Variants in SIL1 observed in about 807,000 individuals in gnomAD.
The protein encoded by SIL1 is SIL1 nucleotide exchange factor.
A neutral mutation model predicts 49.1 loss-of-function variants in SIL1; 40 were observed. The ratio of observed to expected loss-of-function variants is 0.81; its 90% CI spans 0.63 to 1.06. SIL1 has a LOEUF of 1.06. Ranked by LOEUF, SIL1 falls within the 50% of genes least tolerant of loss-of-function variation. The pLI is 0.00. For missense variants in SIL1, 500 were observed against 572.6 expected (o/e 0.87, Z 1.29); for synonymous variants, 253 against 250.8 (o/e 1.01, Z -0.08).
chr5:139,176,887 G>C (rs1308820005), intron 1 of SIL1, among the ~76,000 whole-genome samples: 1 of 149,732 alleles, frequency 6.7e-6, no homozygotes, highest in Non-Finnish European at 1.5e-5. Context: ...AAAGTAAATA[G>C]TCCAAGGTCA....
At chr5:139,194,117 G>T (rs1488079006) in intron 1 of SIL1, among the ~76,000 whole-genome samples, 1 of 152,226 alleles carries the variant, frequency 6.6e-6, no homozygotes, top group Non-Finnish European at 1.5e-5. Flanking sequence ...CATAATCACA[G>T]CCATGTCTTA....
chr5:139,167,580 CTGT>C (rs1368182322), intron 1 of SIL1, among the ~76,000 whole-genome samples: 1 of 152,090 alleles, frequency 6.6e-6, no homozygotes, highest in Non-Finnish European at 1.5e-5. Flanking sequence ...TTTGTTTAAG[CTGT>C]TATTATGAGT....
chr5:139,162,474 A>G (rs1040257216), intron 1 of SIL1, among the ~76,000 whole-genome samples: 2 of 152,252 alleles, frequency 1.3e-5, no homozygotes, highest in Admixed American at 1.3e-4. Context: ...CCAGTAACAA[A>G]ATGCTAGGAA....
chr5:139,197,911 A>C (rs1286479524), intron 1 of SIL1, among the ~76,000 whole-genome samples: 1 of 152,218 alleles, frequency 6.6e-6, no homozygotes, highest in African/African-American at 2.4e-5. Context: ...GGTCTCGGAG[A>C]TCAACACCAA....
At chr5:139,052,177 G>C (rs1769303823) in intron 3 of SIL1, among the ~76,000 whole-genome samples, 1 of 152,080 alleles carries the variant, frequency 6.6e-6, no homozygotes, top group Non-Finnish European at 1.5e-5. Context: ...GTATTCACCA[G>C]TTCTCGCAAT....
At chr5:139,150,971 C>T (rs1751285366) in intron 1 of SIL1, among the ~76,000 whole-genome samples, 1 of 152,198 alleles carries the variant, frequency 6.6e-6, no homozygotes, top group Non-Finnish European at 1.5e-5. Flanking sequence ...GCCACCCTCC[C>T]TTGGCATAAG....
chr5:138,951,396 CAGGG>C, intron 8 of SIL1, 61 bp from the exon 9 acceptor site: 1 of 1,524,928 alleles, frequency 6.6e-7, no homozygotes, highest in South Asian at 1.2e-5. Flanking sequence ...CCCTGAGGCC[CAGGG>C]AAGGCAGGCA....
intron 3 of SIL1, among the ~76,000 whole-genome samples, chr5:139,055,750 C>T (rs939986654): frequency 6.7e-6 from 1 of 149,100 alleles, no homozygotes; most frequent in Non-Finnish European, 1.5e-5. Flanking sequence ...GCTGCCATCT[C>T]GGCTCACTGC....
At chr5:139,148,506 G>A (rs1751234800) in intron 1 of SIL1, among the ~76,000 whole-genome samples, 1 of 152,214 alleles carries the variant, frequency 6.6e-6, no homozygotes, top group Admixed American at 6.5e-5. Context: ...GTAAGGGGAT[G>A]ACATGCCAGC....
intron 7 of SIL1, among the ~76,000 whole-genome samples, chr5:138,956,890 T>C (rs1427878952): frequency 1.3e-5 from 2 of 152,160 alleles, no homozygotes; most frequent in East Asian, 3.9e-4. Flanking sequence ...ACAAAACACA[T>C]GAGCTGCACA....
At chr5:139,131,721 C>T (rs1750868455) in intron 1 of SIL1, 1 of 152,216 alleles carries the variant, frequency 6.6e-6, no homozygotes, top group Admixed American at 6.6e-5. Context: ...CAGCACCACA[C>T]CAGGCTCTGG....
intron 7 of SIL1, among the ~76,000 whole-genome samples, chr5:138,968,418 C>T (rs982911069): frequency 2.0e-5 from 3 of 152,148 alleles, no homozygotes; most frequent in Non-Finnish European, 4.4e-5. Context: ...CAACTCATCT[C>T]CATCGACAGA....
chr5:139,194,152 A>C (rs1438735998), intron 1 of SIL1, among the ~76,000 whole-genome samples: 1 of 152,238 alleles, frequency 6.6e-6, no homozygotes, highest in Non-Finnish European at 1.5e-5. Flanking sequence ...AACCTGAAGG[A>C]ACTACAAGTC....
At chr5:139,069,261 C>G (rs1769775191) in intron 3 of SIL1, among the ~76,000 whole-genome samples, 1 of 151,728 alleles carries the variant, frequency 6.6e-6, no homozygotes, top group African/African-American at 2.4e-5. Flanking sequence ...GCACTCCAGC[C>G]TGGGTAACAG....
At chr5:139,056,624 C>T (rs1769440342) in intron 3 of SIL1, among the ~76,000 whole-genome samples, 1 of 147,622 alleles carries the variant, frequency 6.8e-6, no homozygotes, top group South Asian at 2.1e-4. Flanking sequence ...CCCGGCCAGC[C>T]GCCCCATCAA....
chr5:139,040,259 G>A (rs115952508), intron 5 of SIL1, among the ~76,000 whole-genome samples: 126 of 152,312 alleles, frequency 8.3e-4, no homozygotes, highest in African/African-American at 2.8e-3. Context: ...CACATTGGCA[G>A]TGAGCTGAGT....
intron 3 of SIL1, among the ~76,000 whole-genome samples, chr5:139,078,458 G>A (rs1031737025): frequency 3.3e-5 from 5 of 152,122 alleles, no homozygotes; most frequent in Non-Finnish European, 5.9e-5. Context: ...TATAGGTCTT[G>A]AAAGCTAAGC....
intron 3 of SIL1, among the ~76,000 whole-genome samples, chr5:139,056,682 C>A (rs1453570491): frequency 7.0e-6 from 1 of 143,560 alleles, no homozygotes; most frequent in African/African-American, 2.9e-5. Flanking sequence ...CCGCCCCGTC[C>A]GGGAGGGAGG....
chr5:139,121,090 A>G lies in SIL1; in HGVS notation c.189T>C (p.Asp63=). 6.2e-7 allele frequency: 1 copy of G among 1,614,204 alleles called. No homozygotes were observed. The highest frequency in any genetic ancestry group is 8.5e-7 in the Non-Finnish European group (1 of 1,180,052). The change falls in exon 3 of 10, where the codon GAT becomes GAC. Residue 63 remains aspartate, a synonymous_variant. Coordinates refer to ENST00000394817, the MANE Select transcript of SIL1 (RefSeq NM_022464.5). ...RKETKAEEEL[D]AEVLEVFHPT... is the part of the protein sequence containing the mutation. ...GGTGGAACACCTCCAGGACTTCGGC[A>G]TCCAGCTCCTCCTCGGCTTTGGTTT...
Sources: allele counts gnomAD v4.1 joint callset (sites outside exome capture counted in the v4.1 genomes callset), GRCh38; gene constraint gnomAD v4.1.1; transcripts MANE v1.5; gene names NCBI Gene and HGNC (gene_info 2026-07-23, HGNC 2026-07-21).